The following ANXA4 variants were observed in gnomAD, a reference collection of about 807,000 sequenced individuals.
ANXA4 encodes the protein 35-beta calcimedin.
ANXA4 carries 39 observed loss-of-function variants against 49.8 expected under a neutral mutation model. That is an observed-to-expected ratio of 0.78 (90% CI 0.61 to 1.02). The LOEUF is 1.02. Among genes scored for constraint, ANXA4 ranks in the 50% least tolerant of loss-of-function variants. The pLI, the probability that ANXA4 is intolerant of heterozygous loss-of-function variation, is 0.00. For missense variants in ANXA4, 360 were observed against 410.1 expected (o/e 0.88, Z 1.05); for synonymous variants, 134 against 152.5 (o/e 0.88, Z 0.89).
At chr2:69,778,321 T>C (rs956585717) in intron 1 of ANXA4, among the ~76,000 whole-genome samples, 2 of 152,220 alleles carry the variant, frequency 1.3e-5, no homozygotes, top group Non-Finnish European at 2.9e-5. Flanking sequence ...TATTTTAAAA[T>C]TGTCAAAGGG....
chr2:69,816,235 G>C, intron 9 of ANXA4, 41 bp downstream of exon 9: 1 of 1,563,882 alleles, frequency 6.4e-7, no homozygotes, highest in Non-Finnish European at 8.8e-7. Flanking sequence ...AGGAGTGAAA[G>C]ATAGCAAAAA....
intron 2 of ANXA4, among the ~76,000 whole-genome samples, chr2:69,708,519 T>C (rs1464591260): frequency 2.7e-5 from 4 of 148,724 alleles, no homozygotes; most frequent in Non-Finnish European, 5.9e-5. Flanking sequence ...CACTTGAGCC[T>C]GGGAGAAGAA....
At chr2:69,672,163 A>T (rs1442034813) in intron 2 of ANXA4, among the ~76,000 whole-genome samples, 2 of 152,214 alleles carry the variant, frequency 1.3e-5, no homozygotes, top group Non-Finnish European at 2.9e-5. Context: ...CAGTTACATG[A>T]TCAACATGGT....
intron 11 of ANXA4, among the ~76,000 whole-genome samples, chr2:69,820,372 T>A (rs922850125): frequency 3.3e-5 from 5 of 151,568 alleles, no homozygotes; most frequent in African/African-American, 1.2e-4. Flanking sequence ...AGGGAAGGGG[T>A]GATAAGGCTG....
chr2:69,694,268 A>T (rs1202991040), intron 2 of ANXA4, among the ~76,000 whole-genome samples: 1 of 152,170 alleles, frequency 6.6e-6, no homozygotes, highest in African/African-American at 2.4e-5. Flanking sequence ...GTGAGAACGC[A>T]GCAGGAAGAT....
intron 1 of ANXA4, among the ~76,000 whole-genome samples, chr2:69,764,886 G>C (rs898332804): frequency 1.3e-5 from 2 of 152,080 alleles, no homozygotes; most frequent in Non-Finnish European, 2.9e-5. Context: ...TCTGCTTTCT[G>C]TCTCTATGAA....
chr2:69,676,909 T>G (rs1364335665), intron 2 of ANXA4, among the ~76,000 whole-genome samples: 1 of 152,064 alleles, frequency 6.6e-6, no homozygotes, highest in East Asian at 1.9e-4. Context: ...ACACCCCTAT[T>G]CCCATTCCTA....
intron 2 of ANXA4, among the ~76,000 whole-genome samples, chr2:69,673,386 A>G (rs1419127156): frequency 6.6e-6 from 1 of 152,016 alleles, no homozygotes; most frequent in African/African-American, 2.4e-5. Context: ...CATCATTCTC[A>G]GCAAACTAAC....
At chr2:69,818,559 T>C in intron 9 of ANXA4, 40 bp from the exon 10 acceptor site, 1 of 1,410,272 alleles carries the variant, frequency 7.1e-7, no homozygotes, top group Non-Finnish European at 9.8e-7. Flanking sequence ...GTTTCCTCTG[T>C]TTTTTCTTCC....
intron 4 of ANXA4, among the ~76,000 whole-genome samples, chr2:69,805,604 TAAA>T (rs59230779): frequency 4.0e-5 from 5 of 126,360 alleles, no homozygotes; most frequent in Non-Finnish European, 3.5e-5. Flanking sequence ...AGACTCCATC[TAAA>T]AAAAAAAAAA....
intron 2 of ANXA4, among the ~76,000 whole-genome samples, chr2:69,690,341 T>C (rs13402557): frequency 0.5 from 75,423 of 151,942 alleles, 19,526 homozygotes; most frequent in East Asian, 0.77. Context: ...TGGGATCAAG[T>C]GATTCTCCTG....
At chr2:69,822,476 A>T (rs905896774) in intron 12 of ANXA4, among the ~76,000 whole-genome samples, 1 of 152,230 alleles carries the variant, frequency 6.6e-6, no homozygotes, top group African/African-American at 2.4e-5. Flanking sequence ...CAACATAAAC[A>T]TTATTAACAA....
chr2:69,785,745 C>G (rs1672387081), intron 2 of ANXA4, among the ~76,000 whole-genome samples: 1 of 152,130 alleles, frequency 6.6e-6, no homozygotes, highest in African/African-American at 2.4e-5. Flanking sequence ...ATTCATACCC[C>G]ACTCCAGTGC....
At chr2:69,725,739 G>T (rs1295098689) in intron 3 of ANXA4, among the ~76,000 whole-genome samples, 1 of 152,164 alleles carries the variant, frequency 6.6e-6, no homozygotes, top group African/African-American at 2.4e-5. Context: ...GGCTAAATGA[G>T]ACTCTTGATC....
chr2:69,789,235 A>G (rs1672561819), intron 3 of ANXA4, among the ~76,000 whole-genome samples: 1 of 152,200 alleles, frequency 6.6e-6, no homozygotes, highest in Admixed American at 6.5e-5. Context: ...CCCATTTTAC[A>G]GATGTGAAAC....
intron 2 of ANXA4, among the ~76,000 whole-genome samples, chr2:69,718,687 A>ACATG (rs570367197): frequency 1.5e-3 from 228 of 152,308 alleles, no homozygotes; most frequent in Non-Finnish European, 1.8e-3. Context: ...ACACGTATAC[A>ACATG]CATGCATGCA....
chr2:69,728,245 G>A (rs1429138448), intron 3 of ANXA4, among the ~76,000 whole-genome samples: 1 of 152,064 alleles, frequency 6.6e-6, no homozygotes, highest in African/African-American at 2.4e-5. Context: ...GCTCCATAGT[G>A]CTTTTACTTC....
intron 8 of ANXA4, among the ~76,000 whole-genome samples, chr2:69,813,292 A>G (rs865999772): frequency 3.4e-4 from 51 of 150,164 alleles, no homozygotes; most frequent in African/African-American, 1.2e-3. Context: ...CTTGTTGCCC[A>G]GGCTGGAGTG....
At chr2:69,655,806 A>C (rs903841838) in intron 2 of ANXA4, among the ~76,000 whole-genome samples, 3 of 152,224 alleles carry the variant, frequency 2.0e-5, no homozygotes. Context: ...AGACTAGATA[A>C]AGAAAATGTG....
Sources: gnomAD v4.1 joint callset for allele counts (sites outside exome capture counted in the v4.1 genomes callset) on GRCh38, gnomAD v4.1.1 for gene constraint, MANE v1.5 for transcripts, NCBI Gene and HGNC (gene_info 2026-07-23, HGNC 2026-07-21) for gene names.